Variants in ANOS1 observed in about 807,000 individuals in gnomAD.
ANOS1 encodes the protein anosmin 1.
In ANOS1, 6 loss-of-function variants were observed where a neutral mutation model predicts 59.0. The ratio of observed to expected loss-of-function variants is 0.10; its 90% CI spans 0.06 to 0.20. ANOS1 has a LOEUF of 0.20. Among genes scored for constraint, ANOS1 ranks in the 10% least tolerant of loss-of-function variants. ANOS1 has a pLI of 1.00. For missense variants in ANOS1, 433 were observed against 542.3 expected (o/e 0.80, Z 2.00); for synonymous variants, 217 against 223.4 (o/e 0.97, Z 0.25).
Position 8,732,011 on chromosome X carries a change from A to G in ANOS1, c.26T>C (p.Val9Ala). 9.7e-7 allele frequency: 1 copy of G among 1,029,399 alleles called. No individual in the cohort carries two copies. Among genetic ancestry groups the G allele is most frequent in the African/African-American group, 2.0e-5 (1 of 49,609 alleles). The allele number at this position is 1,029,399 out of a possible 1,213,427, so 84.8% of individuals were successfully genotyped here. A position where few individuals can be genotyped will look rare whatever the true frequency, so the allele number is the denominator to read the frequency against. MVPGVPGA[V>A]LTLCLWLAAS... ...CGCCAGCCAGAGGCAGAGGGTCAGG[A>G]CCGCGCCGGGCACCCCGGGCACCAT... The change falls in exon 1 of 14, where the codon GTC (valine) becomes GCC (alanine). Residue 9 changes from valine to alanine, a missense_variant. Val to Ala is a moderately conservative substitution (Grantham distance 64). Transcript: ENST00000262648.
At chrX:8,584,478 C>T (rs1214170968) in intron 6 of ANOS1, among the ~76,000 whole-genome samples, 3 of 111,256 alleles carry the variant, frequency 2.7e-5, no homozygotes, top group African/African-American at 9.8e-5. Context: ...TTGTTAATGT[C>T]CCAATAAATA....
chrX:8,683,899 T>C (rs1056803401), intron 2 of ANOS1, among the ~76,000 whole-genome samples: 2 of 111,660 alleles, frequency 1.8e-5, no homozygotes, highest in African/African-American at 6.5e-5. Flanking sequence ...TTCAGCACGG[T>C]GCACGCAAAG....
At chrX:8,686,202 C>T (rs1423487974) in intron 2 of ANOS1, among the ~76,000 whole-genome samples, 1 of 112,029 alleles carries the variant, frequency 8.9e-6, no homozygotes, top group Admixed American at 9.5e-5. Flanking sequence ...TTTTGTTTAA[C>T]CATGAAATTC....
chrX:8,588,092 C>T lies in ANOS1; in HGVS notation c.542-114G>A, dbSNP rs182613971. 2.6e-3 allele frequency: 1,934 copies of T among 736,562 alleles called. 3 individuals carry two copies. The highest frequency in any genetic ancestry group is 3.3e-3 in the Non-Finnish European group (1,611 of 488,340). 60.7% of individuals were successfully genotyped at this position (736,562 alleles called of 1,213,427 possible). A position where few individuals can be genotyped will look rare whatever the true frequency, so the allele number is the denominator to read the frequency against. On this transcript the variant is annotated intron_variant, in intron 4 of 13. Coordinates refer to ENST00000262648, the MANE Select transcript of ANOS1 (RefSeq NM_000216.4). ...TCTGATCTGATGACAACTGAGATTTCCTTTCATAAAAGTGGCCTCTCCATA... is the reference window on the plus strand; with the variant it reads ...TCTGATCTGATGACAACTGAGATTTTCTTTCATAAAAGTGGCCTCTCCATA...
intron 3 of ANOS1, among the ~76,000 whole-genome samples, chrX:8,606,575 G>A (rs1296199248): frequency 1.8e-5 from 2 of 111,508 alleles, no homozygotes; most frequent in African/African-American, 3.3e-5. Context: ...GTCTTCTCTT[G>A]CCTTCAAGTA....
intron 2 of ANOS1, among the ~76,000 whole-genome samples, chrX:8,685,604 G>GA (rs769316935): frequency 1.5e-5 from 1 of 65,696 alleles, no homozygotes; most frequent in Non-Finnish European, 2.7e-5. Flanking sequence ...AAGGAAGAAA[G>GA]AAAGAAAGAA....
At chrX:8,665,433 C>T (rs762193927) in intron 2 of ANOS1, among the ~76,000 whole-genome samples, 6 of 112,421 alleles carry the variant, frequency 5.3e-5, no homozygotes, top group African/African-American at 1.9e-4. Context: ...CTTGTTAATA[C>T]AAAAGACTTT....
intron 8 of ANOS1, among the ~76,000 whole-genome samples, chrX:8,558,190 A>AAAAGG (rs1569048114): frequency 9.1e-6 from 1 of 110,251 alleles, no homozygotes; most frequent in African/African-American, 3.3e-5. Context: ...GGGCAAGGGG[A>AAAAGG]GGGACAGTGT....
chrX:8,651,729 C>T (rs1444805145), intron 2 of ANOS1, among the ~76,000 whole-genome samples: 3 of 112,090 alleles, frequency 2.7e-5, no homozygotes, highest in African/African-American at 6.5e-5. Context: ...TTCCTACCCA[C>T]GTGGAATAAA....
At chrX:8,706,280 A>G (rs766423462) in intron 1 of ANOS1, among the ~76,000 whole-genome samples, 1 of 112,339 alleles carries the variant, frequency 8.9e-6, no homozygotes, top group Non-Finnish European at 1.9e-5. Context: ...TACAATTTCC[A>G]AAATACATAC....
At chrX:8,560,888 C>T (rs750342532) in intron 8 of ANOS1, among the ~76,000 whole-genome samples, 1 of 112,453 alleles carries the variant, frequency 8.9e-6, no homozygotes, top group Non-Finnish European at 1.9e-5. Context: ...GAAATTCTGC[C>T]CTTTGATGCA....
At chrX:8,577,354 C>A (rs1243219066) in intron 6 of ANOS1, among the ~76,000 whole-genome samples, 1 of 111,585 alleles carries the variant, frequency 9.0e-6, no homozygotes, top group Non-Finnish European at 1.9e-5. Flanking sequence ...AAGACCAGTG[C>A]TCTCCTAACC....
chrX:8,543,351 G>T (rs907429291), intron 9 of ANOS1, among the ~76,000 whole-genome samples: 1 of 107,606 alleles, frequency 9.3e-6, no homozygotes, highest in Non-Finnish European at 1.9e-5. Context: ...TATTGTAAAT[G>T]GCACCCCCAA....
chrX:8,722,121 A>G (rs1932878985), intron 1 of ANOS1, among the ~76,000 whole-genome samples: 2 of 112,513 alleles, frequency 1.8e-5, no homozygotes, highest in Non-Finnish European at 3.8e-5. Flanking sequence ...CCTCATGTAC[A>G]GAGGTTTTAG....
chrX:8,568,613 C>T (rs961198870), intron 7 of ANOS1, among the ~76,000 whole-genome samples: 1 of 110,155 alleles, frequency 9.1e-6, no homozygotes, highest in Non-Finnish European at 1.9e-5. Flanking sequence ...GTGGGAGGAT[C>T]GCTTGAGCCC....
At chrX:8,570,432 A>G in intron 7 of ANOS1, 67 bp downstream of exon 7, 4 of 957,261 alleles carry the variant, frequency 4.2e-6, no homozygotes, top group Non-Finnish European at 6.0e-6. Context: ...GCCTCTTTTC[A>G]GGCCAGTTGC....
intron 2 of ANOS1, among the ~76,000 whole-genome samples, chrX:8,640,766 T>C (rs1249285829): frequency 9.0e-6 from 1 of 111,598 alleles, no homozygotes; most frequent in Non-Finnish European, 1.9e-5. Context: ...AGAAAGCCTT[T>C]ATGTAGAAAA....
chrX:8,658,348 C>T (rs1196573688), intron 2 of ANOS1, among the ~76,000 whole-genome samples: 1 of 111,798 alleles, frequency 8.9e-6, no homozygotes, highest in Non-Finnish European at 1.9e-5. Context: ...TTTAATTTGT[C>T]CCAGGGTTAT....
intron 3 of ANOS1, among the ~76,000 whole-genome samples, chrX:8,599,356 A>G (rs1235778102): frequency 9.0e-6 from 1 of 111,677 alleles, no homozygotes; most frequent in African/African-American, 3.3e-5. Context: ...TAGGGGGAGA[A>G]TAGGAACATC....
Sources: allele counts gnomAD v4.1 joint callset (sites outside exome capture counted in the v4.1 genomes callset), GRCh38; gene constraint gnomAD v4.1.1; transcripts MANE v1.5; gene names NCBI Gene and HGNC (gene_info 2026-07-23, HGNC 2026-07-21).